RORC: variants seen among roughly 807,000 people sequenced by gnomAD.
The protein encoded by RORC is nuclear receptor ROR-gamma.
RORC carries 13 observed loss-of-function variants against 64.5 expected under a neutral mutation model. That is an observed-to-expected ratio of 0.20 (90% confidence interval 0.13 to 0.32). RORC has a LOEUF of 0.32. Ranked by LOEUF, RORC falls within the 10% of genes least tolerant of loss-of-function variation. The pLI, the probability that RORC is intolerant of heterozygous loss-of-function variation, is 1.00. For missense variants in RORC, 468 were observed against 669.5 expected (o/e 0.70, Z 3.32); for synonymous variants, 277 against 259.3 (o/e 1.07, Z -0.65).
rs1267052640 is a variant in RORC at position 151,817,192 on chromosome 1, C to T, written c.156+3G>A. On this transcript the variant is annotated splice_donor_region_variant and intron_variant, in intron 3 of 10. Transcript: ENST00000318247. ...TGCATGCATACACATGCCTATGACT[C>T]ACCTTGCACCCCTCACAGGTGATAA... 2 of 1,611,922 alleles carry T rather than the reference C, an allele frequency of 1.2e-6. No homozygotes were observed. The highest frequency in any genetic ancestry group is 1.1e-5 in the South Asian group (1 of 91,032).
chr1:151,830,492 CAG>C lies in RORC; in HGVS notation c.41-1036_41-1035del, dbSNP rs1652361052. On this transcript the variant is annotated intron_variant, in intron 1 of 10. Transcript: ENST00000318247. The surrounding 1 kb of genome is among the most constrained non-coding windows in gnomAD (Gnocchi z 4.0). Reference sequence around the variant, plus strand: ...CCTACATCCACATAGCAGCTCATCACAGAACACATGGCCAGTCTTTTGTCTCA... The same window carrying C: ...CCTACATCCACATAGCAGCTCATCACAACACATGGCCAGTCTTTTGTCTCA... 1.3e-5 allele frequency among the ~76,000 whole-genome samples: 2 copies of C among 152,106 alleles called. No homozygotes were observed. Among genetic ancestry groups the C allele is most frequent in the Admixed American group, 1.3e-4 (2 of 15,278 alleles).
In RORC at chr1:151,830,803, C is replaced by T. The variant is rs1173637696; in HGVS notation, c.40+922G>A. On this transcript the variant is annotated intron_variant, in intron 1 of 10. Coordinates refer to ENST00000318247, the MANE Select transcript of RORC (RefSeq NM_005060.4). The surrounding 1 kb of genome is among the most constrained non-coding windows in gnomAD (Gnocchi z 4.0). Reference sequence around the variant, plus strand: ...CCCGAGGTGGCAAGGCCCCACCCAGCCCCGCCCACCTCCCCTTGCTCCTGC... The same window carrying T: ...CCCGAGGTGGCAAGGCCCCACCCAGTCCCGCCCACCTCCCCTTGCTCCTGC... 1 of 402,132 alleles carries T rather than the reference C, an allele frequency of 2.5e-6. No homozygotes were observed. Among genetic ancestry groups the T allele is most frequent in the Non-Finnish European group, 4.3e-6 (1 of 232,524 alleles). 24.9% of individuals were successfully genotyped at this position (402,132 alleles called of 1,614,324 possible).
intron 9 of RORC, chr1:151,812,705 C>T: frequency 5.1e-6 from 2 of 389,926 alleles, no homozygotes; most frequent in Non-Finnish European, 9.3e-6. Context: ...GGCTCATTTC[C>T]TCTCAACCTC....
chr1:151,814,480 C>T, intron 6 of RORC, 94 bp downstream of exon 6: 1 of 1,391,462 alleles, frequency 7.2e-7, no homozygotes, highest in Non-Finnish European at 9.8e-7. Flanking sequence ...ATGTCCCGCC[C>T]TGCCCCAGGA....
chr1:151,814,486 C>T, intron 6 of RORC, 88 bp downstream of exon 6: 3 of 1,433,022 alleles, frequency 2.1e-6, no homozygotes, highest in Non-Finnish European at 2.9e-6. Context: ...CGCCCTGCCC[C>T]AGGACCCAGT....
chr1:151,817,970 C>T (rs1273567955), intron 2 of RORC, among the ~76,000 whole-genome samples: 1 of 152,222 alleles, frequency 6.6e-6, no homozygotes, highest in East Asian at 1.9e-4. Context: ...TGTGTACATC[C>T]GTGTGTCTGA....
intron 2 of RORC, among the ~76,000 whole-genome samples, chr1:151,826,426 G>A (rs1039762826): frequency 1.9e-4 from 29 of 152,282 alleles, no homozygotes; most frequent in African/African-American, 6.3e-4. Context: ...GTGACTTCAG[G>A]GACAGGGATG....
rs1651713477 is a variant in RORC, at chr1:151,815,248, G to A, written c.476C>T (p.Pro159Leu). 6.2e-7 allele frequency: 1 copy of A among 1,610,592 alleles called. No homozygotes were observed. Among genetic ancestry groups the A allele is most frequent in the Non-Finnish European group, 8.5e-7 (1 of 1,177,592 alleles). Residue 159 changes from proline to leucine, a missense_variant, in exon 5 of 11, where the codon CCC becomes CTC. Pro to Leu is a moderately conservative substitution (Grantham distance 98). Coordinates refer to ENST00000318247, the MANE Select transcript of RORC (RefSeq NM_005060.4). ...YTLGLPDGQL[P>L]LGSSPDLPEA... ...AGGCAGGTCAGGCGAGGAGCCCAGG[G>A]GCAGCTGCCCGTCTGGGAGCCCCAA...
At position 151,815,317 on chromosome 1, in the gene RORC, G is replaced by C; in HGVS notation, c.407C>G (p.Thr136Ser). 1 of 1,605,204 alleles carries C rather than the reference G, an allele frequency of 6.2e-7. No homozygotes were observed. Among genetic ancestry groups the C allele is most frequent in the Non-Finnish European group, 8.5e-7 (1 of 1,174,650 alleles). ...QQQQQEPVVK[T>S]PPAGAQGADT... ...TGCTCCTTGGGCCCCTGCTGGAGGG[G>C]TCTTGACCACTGGTTCCTGTTGCTG... The change falls in exon 5 of 11, where the codon ACC (threonine) becomes AGC (serine). Residue 136 changes from threonine to serine, a missense_variant. Thr to Ser is a moderately conservative substitution (Grantham distance 58, BLOSUM62 1). Transcript: ENST00000318247.
rs1652418292 is a variant in RORC at position 151,831,507 on chromosome 1, T to G, written c.40+218A>C. On this transcript the variant is annotated intron_variant, in intron 1 of 10. Transcript: ENST00000318247. ...TTCTCCCGCTTCTCCCTTTCTTTCC[T>G]GTTTCTCTCCTTTTGCGATTTCTTC... is the stretch of plus-strand genomic sequence containing the variant. 2.4e-5 allele frequency: 8 copies of G among 334,138 alleles called. No homozygotes were observed. In the South Asian group the frequency reaches 9.6e-4, roughly 40 times the overall value. 20.7% of individuals were successfully genotyped at this position (334,138 alleles called of 1,614,324 possible). A position where few individuals can be genotyped will look rare whatever the true frequency, so the allele number is the denominator to read the frequency against.
intron 10 of RORC, among the ~76,000 whole-genome samples, chr1:151,808,724 T>C (rs956242830): frequency 3.9e-5 from 6 of 152,242 alleles, no homozygotes; most frequent in African/African-American, 1.4e-4. Flanking sequence ...GTACCTTGAT[T>C]AAATTTACAT....
At chr1:151,809,668 C>T (rs1651445074) in intron 10 of RORC, among the ~76,000 whole-genome samples, 1 of 152,156 alleles carries the variant, frequency 6.6e-6, no homozygotes, top group Non-Finnish European at 1.5e-5. Flanking sequence ...TTTCCAATTG[C>T]TCTCCCAGAT....
At chr1:151,814,547 C>T (rs202051368) in intron 6 of RORC, 27 bp downstream of exon 6, 174 of 1,599,314 alleles carry the variant, frequency 1.1e-4, no homozygotes, top group Non-Finnish European at 1.5e-4. Context: ...GGGATACGTT[C>T]CCTTCCTGCA....
chr1:151,815,602 T>C (rs1651727156), intron 4 of RORC, among the ~76,000 whole-genome samples, 177 bp from the exon 5 acceptor site: 1 of 152,248 alleles, frequency 6.6e-6, no homozygotes, highest in African/African-American at 2.4e-5. Context: ...CCTCTCACTC[T>C]TGTTTGCTTC....
In RORC at chr1:151,817,220, C is replaced by T; in HGVS notation, c.131G>A (p.Gly44Glu). 1 of 1,614,100 alleles carries T rather than the reference C, an allele frequency of 6.2e-7. No homozygotes were observed. The highest frequency in any genetic ancestry group is 8.5e-7 in the Non-Finnish European group (1 of 1,179,968). Residue 44 changes from glycine (G) to glutamate (E), a missense_variant, in exon 3 of 11, where the codon GGG becomes GAG. This residue lies in a region of RORC where 13 missense variants were observed against 46.0 expected (regional missense o/e 0.28). Coordinates refer to ENST00000318247, the MANE Select transcript of RORC (RefSeq NM_005060.4). ...CGDKSSGIHYGVITCEGCKGF... is the reference protein window; with the variant it reads ...CGDKSSGIHYEVITCEGCKGF... ...CTTGCACCCCTCACAGGTGATAACC[C>T]CGTAGTGGATCCCAGACGACTTGTC... is the stretch of plus-strand genomic sequence containing the variant.
At chr1:151,817,888 G>A (rs542141591) in intron 2 of RORC, among the ~76,000 whole-genome samples, 2 of 152,372 alleles carry the variant, frequency 1.3e-5, no homozygotes, top group East Asian at 3.9e-4. Flanking sequence ...TCTGCTGGAT[G>A]CCTGAGAGCC....
intron 2 of RORC, chr1:151,826,152 C>G: frequency 8.2e-7 from 1 of 1,218,912 alleles, no homozygotes; most frequent in Admixed American, 4.0e-5. Context: ...CCCACCCCAC[C>G]CCCAAGGGGT....
At chr1:151,814,403 C>G in intron 6 of RORC, 171 bp downstream of exon 6, 1 of 650,492 alleles carries the variant, frequency 1.5e-6, no homozygotes, top group Admixed American at 3.0e-5. Flanking sequence ...GGGGTGTAGA[C>G]AGATACACAC....
chr1:151,813,453 C>T (rs1558164586), intron 7 of RORC, 35 bp downstream of exon 7: 1 of 1,613,650 alleles, frequency 6.2e-7, no homozygotes, highest in South Asian at 1.1e-5. Context: ...GCTCTGTCCC[C>T]TTGTCCCCAG....
Sources: allele counts gnomAD v4.1 joint callset (sites outside exome capture counted in the v4.1 genomes callset), GRCh38; gene constraint gnomAD v4.1.1; regional missense constraint gnomAD v4.1.1; non-coding constraint Gnocchi (gnomAD v3.1); transcripts MANE v1.5; gene names NCBI Gene and HGNC (gene_info 2026-07-23, HGNC 2026-07-21).